The following PCED1B variants were observed in gnomAD, a reference collection of about 807,000 sequenced individuals.
PCED1B encodes the protein PC-esterase domain containing 1B.
For synonymous variants in PCED1B, 251 were observed against 246.1 expected (o/e 1.02, Z -0.19); for missense variants, 573 against 573.9 (o/e 1.00, Z 0.02).
intron 2 of PCED1B, among the ~76,000 whole-genome samples, chr12:47,132,147 ATG>A (rs1260178004): frequency 2.6e-5 from 4 of 152,152 alleles, no homozygotes; most frequent in Admixed American, 6.5e-5. Context: ...GCCAGTAGTC[ATG>A]TTAATACATA....
intron 2 of PCED1B, among the ~76,000 whole-genome samples, chr12:47,179,818 T>C (rs1455175986): frequency 3.3e-5 from 5 of 152,156 alleles, no homozygotes; most frequent in Non-Finnish European, 7.3e-5. Context: ...TCTCTTCTTC[T>C]ACTGAGATTA....
At chr12:47,198,512 C>T (rs1029374745) in intron 2 of PCED1B, among the ~76,000 whole-genome samples, 3 of 152,062 alleles carry the variant, frequency 2.0e-5, no homozygotes, top group African/African-American at 7.2e-5. Context: ...GGTGTCCCCT[C>T]CCTCTCACTA....
In PCED1B at chr12:47,109,982, T is replaced by C. The variant is rs1374829263; in HGVS notation, c.-526+5787T>C. On this transcript the variant is annotated intron_variant, in intron 2 of 3. Transcript: ENST00000546455. ...AATTTGGGCAGTATATCAAACTCTT[T>C]AGTGATTTTTAAGTTAGTAAAATGG... 5.3e-5 allele frequency among the ~76,000 whole-genome samples: 8 copies of C among 152,284 alleles called. No homozygotes were observed. The East Asian group carries it at 1.2e-3, about 22-fold the overall frequency.
At chr12:47,217,470 G>GAAAAAGAAAGAAAAAGAA (rs1555155044) in intron 3 of PCED1B, among the ~76,000 whole-genome samples, 1 of 90,918 alleles carries the variant, frequency 1.1e-5, no homozygotes, top group African/African-American at 5.0e-5. Flanking sequence ...AAGAAAGAAA[G>GAAAAAGAAAGAAAAAGAA]AGAAAGAAAG....
At chr12:47,219,437 G>A (rs952597064) in intron 3 of PCED1B, among the ~76,000 whole-genome samples, 1 of 152,192 alleles carries the variant, frequency 6.6e-6, no homozygotes, top group Non-Finnish European at 1.5e-5. Flanking sequence ...TAGTCCTGGA[G>A]CAGAATTGTC....
At chr12:47,098,644 G>A (rs913792736) in intron 1 of PCED1B, among the ~76,000 whole-genome samples, 2 of 152,028 alleles carry the variant, frequency 1.3e-5, no homozygotes, top group Non-Finnish European at 2.9e-5. Flanking sequence ...CACCACGCCC[G>A]GCTAATTTTT....
chr12:47,103,588 C>T lies in PCED1B; in HGVS notation c.-608-525C>T, dbSNP rs564507270. 2.0e-5 allele frequency among the ~76,000 whole-genome samples: 3 copies of T among 146,804 alleles called. No homozygotes were observed. In the East Asian group the frequency reaches 5.9e-4, roughly 29 times the overall value. The stretch of plus-strand genomic sequence containing the variant: ...TTCCCACAGTAACGTTTGGTCAAAC[C>T]AATCAACCAAGTAATGAAAAATGAA... On this transcript the variant is annotated intron_variant, in intron 1 of 3. Coordinates refer to ENST00000546455, the MANE Select transcript of PCED1B (RefSeq NM_138371.3).
At chr12:47,208,193 A>G (rs961412045) in intron 2 of PCED1B, among the ~76,000 whole-genome samples, 13 of 152,104 alleles carry the variant, frequency 8.5e-5, no homozygotes, top group African/African-American at 2.9e-4. Flanking sequence ...AAGCAGTCAT[A>G]CTGTTAAGGG....
At chr12:47,122,266 CT>C (rs58474267) in intron 2 of PCED1B, among the ~76,000 whole-genome samples, 2 of 151,836 alleles carry the variant, frequency 1.3e-5, no homozygotes, top group Non-Finnish European at 2.9e-5. Flanking sequence ...TCACTCTGGC[CT>C]TTTTTAAGCA....
At chr12:47,167,013 T>C (rs1941565959) in intron 2 of PCED1B, among the ~76,000 whole-genome samples, 1 of 152,190 alleles carries the variant, frequency 6.6e-6, no homozygotes, top group Non-Finnish European at 1.5e-5. Flanking sequence ...GATTTGGGAC[T>C]TCTAGGTCAG....
intron 2 of PCED1B, among the ~76,000 whole-genome samples, chr12:47,193,043 G>A (rs887373759): frequency 6.6e-6 from 1 of 152,008 alleles, no homozygotes; most frequent in Non-Finnish European, 1.5e-5. Flanking sequence ...ATATTTTAGC[G>A]CTTCTCCCAT....
At chr12:47,162,501 A>T (rs1254030874) in intron 2 of PCED1B, among the ~76,000 whole-genome samples, 2 of 152,212 alleles carry the variant, frequency 1.3e-5, no homozygotes, top group East Asian at 3.8e-4. Context: ...TGATTTATAA[A>T]GAAATGAGGT....
At chr12:47,232,892 A>G (rs1363795080) in intron 3 of PCED1B, among the ~76,000 whole-genome samples, 2 of 151,206 alleles carry the variant, frequency 1.3e-5, no homozygotes, top group Non-Finnish European at 2.9e-5. Flanking sequence ...TTGCCAAGAT[A>G]CAGACCTAGA....
At chr12:47,134,556 C>G (rs1940268813) in intron 2 of PCED1B, among the ~76,000 whole-genome samples, 1 of 152,136 alleles carries the variant, frequency 6.6e-6, no homozygotes, top group African/African-American at 2.4e-5. Flanking sequence ...AATCTTTCAC[C>G]TCAAAGAAAA....
intron 1 of PCED1B, among the ~76,000 whole-genome samples, chr12:47,100,998 A>T (rs1168702037): frequency 6.6e-6 from 1 of 152,126 alleles, no homozygotes; most frequent in Non-Finnish European, 1.5e-5. Flanking sequence ...TGAACCCGGG[A>T]GGTGGAGGTT....
chr12:47,226,165 T>TTA (rs1943625606), intron 3 of PCED1B, among the ~76,000 whole-genome samples: 1 of 152,224 alleles, frequency 6.6e-6, no homozygotes. Flanking sequence ...ATGGAACTAC[T>TTA]TATAACTATG....
At chr12:47,084,573 T>G (rs1937892703) in intron 1 of PCED1B, among the ~76,000 whole-genome samples, 1 of 152,228 alleles carries the variant, frequency 6.6e-6, no homozygotes, top group Non-Finnish European at 1.5e-5. Flanking sequence ...ATATGTGTTT[T>G]TTTGTGTCTG....
At chr12:47,205,346 C>T (rs1405034009) in intron 2 of PCED1B, among the ~76,000 whole-genome samples, 3 of 152,064 alleles carry the variant, frequency 2.0e-5, no homozygotes, top group African/African-American at 4.8e-5. Flanking sequence ...ATTATAGTGA[C>T]GTTATCCCCA....
Position 47,113,961 on chromosome 12 carries a change from A to C in PCED1B, c.-526+9766A>C, listed in dbSNP as rs533067124. On this transcript the variant is annotated intron_variant, in intron 2 of 3. Transcript: ENST00000546455. ...GCATGACTCCATCTAAAAAAGAAAA[A>C]AAAAACACACACACACACACACATA... is the stretch of plus-strand genomic sequence containing the variant. Among the ~76,000 whole-genome samples, 741 of 87,526 alleles carry C rather than the reference A, an allele frequency of 8.5e-3. 6 individuals carry two copies. The highest frequency in any genetic ancestry group is 0.031 in the African/African-American group (718 of 23,498). 57.4% of individuals were successfully genotyped at this position (87,526 alleles called of 152,430 possible).
Sources: allele counts gnomAD v4.1 joint callset (sites outside exome capture counted in the v4.1 genomes callset), GRCh38; gene constraint gnomAD v4.1.1; transcripts MANE v1.5; gene names NCBI Gene and HGNC (gene_info 2026-07-23, HGNC 2026-07-21).